CHL1: variants seen among roughly 807,000 people sequenced by gnomAD.
The protein encoded by CHL1 is neural cell adhesion molecule L1-like protein.
CHL1 carries 96 observed loss-of-function variants against 141.9 expected under a neutral mutation model. The ratio of observed to expected loss-of-function variants is 0.68; its 90% CI spans 0.57 to 0.80. The LOEUF (loss-of-function observed/expected upper bound fraction) is 0.80, where lower values mean the gene tolerates loss of function less well. CHL1 is among the 30% of genes least tolerant of loss of function. The probability of loss-of-function intolerance (pLI) is 0.00; values close to 1 mark genes in which losing one functional copy is unlikely to be tolerated. For missense variants in CHL1, 1,820 were observed against 1,457.2 expected (o/e 1.25, Z -4.05); for synonymous variants, 613 against 502.2 (o/e 1.22, Z -2.95).
intron 2 of CHL1, among the ~76,000 whole-genome samples, chr3:277,182 T>C (rs551537486): frequency 6.6e-6 from 1 of 152,294 alleles, no homozygotes; most frequent in South Asian, 2.1e-4. Flanking sequence ...AAATATAAAG[T>C]AAATGCTTAT....
intron 22 of CHL1, 99 bp from the exon 23 acceptor site, chr3:391,576 T>G: frequency 3.7e-5 from 28 of 759,632 alleles, no homozygotes; most frequent in Non-Finnish European, 5.4e-5. Context: ...TTACTTCAGA[T>G]GAGTTTGCTT....
At chr3:319,218 C>G (rs1272647458) in intron 2 of CHL1, among the ~76,000 whole-genome samples, 1 of 111,350 alleles carries the variant, frequency 9.0e-6, no homozygotes, top group African/African-American at 4.3e-5. Flanking sequence ...TTGTGGACTA[C>G]TAGATGGGGG....
intron 6 of CHL1, among the ~76,000 whole-genome samples, 154 bp from the exon 7 acceptor site, chr3:341,758 G>A (rs187664361): frequency 6.6e-6 from 1 of 151,930 alleles, no homozygotes; most frequent in Non-Finnish European, 1.5e-5. Flanking sequence ...TTTCCTATTT[G>A]CTCATTGTTC....
At chr3:299,167 GTAAA>G (rs774823363) in intron 2 of CHL1, among the ~76,000 whole-genome samples, 9 of 152,184 alleles carry the variant, frequency 5.9e-5, no homozygotes, top group Non-Finnish European at 1.2e-4. Flanking sequence ...ACACAGTCAC[GTAAA>G]TAAATAATTG....
At chr3:383,376 T>C (rs1042666595) in intron 18 of CHL1, among the ~76,000 whole-genome samples, 1 of 152,190 alleles carries the variant, frequency 6.6e-6, no homozygotes, top group Non-Finnish European at 1.5e-5. Flanking sequence ...TCCTTAAAAC[T>C]TGGCTGCTGA....
At chr3:255,130 A>G (rs1447960458) in intron 2 of CHL1, among the ~76,000 whole-genome samples, 1 of 152,100 alleles carries the variant, frequency 6.6e-6, no homozygotes, top group Non-Finnish European at 1.5e-5. Flanking sequence ...TTATTCATAT[A>G]CCCCTTCATT....
At chr3:211,683 G>A (rs1324112664) in intron 1 of CHL1, among the ~76,000 whole-genome samples, 1 of 152,062 alleles carries the variant, frequency 6.6e-6, no homozygotes, top group Non-Finnish European at 1.5e-5. Context: ...TTGCCAAAAA[G>A]CACTTATAAA....
At chr3:198,752 T>C (rs1698645360) in intron 1 of CHL1, among the ~76,000 whole-genome samples, 1 of 152,252 alleles carries the variant, frequency 6.6e-6, no homozygotes, top group Admixed American at 6.5e-5. Flanking sequence ...TTTTCATTTC[T>C]CTGCATTTTC....
intron 1 of CHL1, among the ~76,000 whole-genome samples, chr3:225,723 G>T (rs1210529893): frequency 6.6e-6 from 1 of 152,002 alleles, no homozygotes; most frequent in Admixed American, 6.6e-5. Flanking sequence ...TTAAGAATAG[G>T]TTATGGCCAA....
At chr3:345,441 CATTT>C (rs530553795) in intron 9 of CHL1, among the ~76,000 whole-genome samples, 30 of 115,226 alleles carry the variant, frequency 2.6e-4, no homozygotes, top group African/African-American at 1.1e-3. Flanking sequence ...AAAAGCAATC[CATTT>C]ATTTATTTAT....
intron 2 of CHL1, among the ~76,000 whole-genome samples, chr3:248,911 C>A (rs1693427967): frequency 6.6e-6 from 1 of 152,156 alleles, no homozygotes; most frequent in Non-Finnish European, 1.5e-5. Context: ...TGACAGACTG[C>A]ACATATAAAA....
At chr3:345,944 T>G (rs1473777721) in intron 9 of CHL1, among the ~76,000 whole-genome samples, 1 of 152,144 alleles carries the variant, frequency 6.6e-6, no homozygotes, top group Non-Finnish European at 1.5e-5. Flanking sequence ...CCACTATCCT[T>G]CCGAACTTAC....
chr3:370,102 C>G (rs545296524), intron 15 of CHL1, among the ~76,000 whole-genome samples: 62 of 152,134 alleles, frequency 4.1e-4, no homozygotes, highest in Non-Finnish European at 7.1e-4. Context: ...CAGGATGATG[C>G]TGGCTTCACA....
intron 1 of CHL1, among the ~76,000 whole-genome samples, chr3:236,863 A>G (rs868167005): frequency 7.7e-5 from 11 of 142,158 alleles, no homozygotes; most frequent in African/African-American, 3.2e-4. Context: ...GAGAGTTTTT[A>G]AAAAATAATC....
intron 1 of CHL1, among the ~76,000 whole-genome samples, chr3:225,092 C>T (rs1701194275): frequency 6.6e-6 from 1 of 152,168 alleles, no homozygotes; most frequent in Non-Finnish European, 1.5e-5. Flanking sequence ...CAAGATCTCG[C>T]CACTGCACTC....
At chr3:305,183 GGAA>G (rs2124933939) in intron 2 of CHL1, among the ~76,000 whole-genome samples, 1 of 152,182 alleles carries the variant, frequency 6.6e-6, no homozygotes, top group South Asian at 2.1e-4. Flanking sequence ...TCTACAGTAA[GGAA>G]GAAAGTATCA....
chr3:251,315 G>C (rs966713272), intron 2 of CHL1, among the ~76,000 whole-genome samples: 4 of 152,258 alleles, frequency 2.6e-5, no homozygotes, highest in Admixed American at 6.5e-5. Context: ...AATGCACTGA[G>C]AATGGATTTT....
chr3:305,858 A>G (rs1255563614), intron 2 of CHL1, among the ~76,000 whole-genome samples: 1 of 152,048 alleles, frequency 6.6e-6, no homozygotes, highest in Non-Finnish European at 1.5e-5. Flanking sequence ...ATTTTATTGT[A>G]AAATAAGTAA....
chr3:260,232 C>G (rs1490807371), intron 2 of CHL1, among the ~76,000 whole-genome samples: 2 of 151,024 alleles, frequency 1.3e-5, no homozygotes, highest in Admixed American at 6.6e-5. Flanking sequence ...CCACTGCACT[C>G]CAGACTGGGT....
Sources: gnomAD v4.1 joint callset for allele counts (sites outside exome capture counted in the v4.1 genomes callset) on GRCh38, gnomAD v4.1.1 for gene constraint, MANE v1.5 for transcripts, NCBI Gene and HGNC (gene_info 2026-07-23, HGNC 2026-07-21) for gene names.